The following OXR1 variants were observed in gnomAD, a reference collection of about 807,000 sequenced individuals.
The protein encoded by OXR1 is oxidation resistance 1.
In OXR1, 41 loss-of-function variants were observed where a neutral mutation model predicts 104.6. The ratio of observed to expected loss-of-function variants is 0.39; its 90% CI spans 0.31 to 0.51. The LOEUF is 0.51. Ranked by LOEUF, OXR1 falls within the 20% of genes least tolerant of loss-of-function variation. OXR1 has a pLI of 0.77. For missense variants in OXR1, 955 were observed against 1,031.9 expected (o/e 0.93, Z 1.02); for synonymous variants, 348 against 348.4 (o/e 1.00, Z 0.01).
chr8:106,552,942 A>G (rs781515212), intron 3 of OXR1, among the ~76,000 whole-genome samples: 16 of 152,184 alleles, frequency 1.1e-4, no homozygotes, highest in Non-Finnish European at 1.0e-4. Flanking sequence ...AAATAATATC[A>G]TCCTGGATAA....
chr8:106,736,952 C>A (rs961654109), intron 11 of OXR1, among the ~76,000 whole-genome samples: 2 of 152,106 alleles, frequency 1.3e-5, no homozygotes, highest in Admixed American at 1.3e-4. Context: ...TAATTTTCTA[C>A]TTTCTAGAGC....
At chr8:106,475,053 T>C (rs1227406752) in intron 2 of OXR1, among the ~76,000 whole-genome samples, 1 of 151,890 alleles carries the variant, frequency 6.6e-6, no homozygotes, top group Non-Finnish European at 1.5e-5. Context: ...CCTCATAGGA[T>C]TTCTGTAAAA....
intron 6 of OXR1, among the ~76,000 whole-genome samples, chr8:106,685,105 T>C (rs1026321798): frequency 1.1e-4 from 16 of 152,148 alleles, no homozygotes; most frequent in African/African-American, 3.4e-4. Flanking sequence ...TATATAATTA[T>C]GGCAATACTA....
intron 1 of OXR1, among the ~76,000 whole-genome samples, chr8:106,284,850 G>C (rs1202121076): frequency 6.6e-6 from 1 of 152,042 alleles, no homozygotes; most frequent in East Asian, 1.9e-4. Flanking sequence ...CTGTTTGCTT[G>C]CTATTGCCAT....
intron 3 of OXR1, among the ~76,000 whole-genome samples, chr8:106,626,289 C>G (rs1194647907): frequency 2.7e-5 from 4 of 150,534 alleles, no homozygotes; most frequent in African/African-American, 9.7e-5. Context: ...GCCGTTTCAC[C>G]CTATGCAGAT....
chr8:106,447,967 T>C, intron 2 of OXR1: 1 of 1,535,338 alleles, frequency 6.5e-7, no homozygotes, highest in Non-Finnish European at 8.7e-7. Flanking sequence ...AGAACTCTGA[T>C]CAGATCCGCC....
intron 2 of OXR1, among the ~76,000 whole-genome samples, chr8:106,510,971 G>T (rs1042097646): frequency 6.6e-6 from 1 of 152,118 alleles, no homozygotes; most frequent in Non-Finnish European, 1.5e-5. Flanking sequence ...AGTAATTCCC[G>T]ATTCCACGTT....
chr8:106,413,145 A>T (rs1002468242), intron 2 of OXR1, among the ~76,000 whole-genome samples: 24 of 148,124 alleles, frequency 1.6e-4, no homozygotes, highest in Admixed American at 1.3e-3. Flanking sequence ...GTAGAAAAAA[A>T]AAATATATAT....
chr8:106,729,972 C>T (rs1229046240), intron 11 of OXR1: 1 of 151,742 alleles, frequency 6.6e-6, no homozygotes, highest in African/African-American at 2.4e-5. Flanking sequence ...ACTAATGTAG[C>T]TGCATCTGTC....
chr8:106,273,394 T>C (rs1811897931), intron 1 of OXR1, among the ~76,000 whole-genome samples: 1 of 152,208 alleles, frequency 6.6e-6, no homozygotes, highest in Non-Finnish European at 1.5e-5. Context: ...CTTAGAGCAG[T>C]GATTCTCCAC....
At chr8:106,280,144 A>G (rs1237214441) in intron 1 of OXR1, among the ~76,000 whole-genome samples, 1 of 152,230 alleles carries the variant, frequency 6.6e-6, no homozygotes, top group Non-Finnish European at 1.5e-5. Flanking sequence ...ATGTCCATTC[A>G]GGATGCAGAA....
intron 2 of OXR1, among the ~76,000 whole-genome samples, chr8:106,513,455 T>A (rs1460454564): frequency 6.6e-6 from 1 of 151,992 alleles, no homozygotes; most frequent in Admixed American, 6.6e-5. Flanking sequence ...TCTGATGGGT[T>A]TAGTTGTTTT....
chr8:106,429,164 A>G (rs1308380073), intron 2 of OXR1, among the ~76,000 whole-genome samples: 2 of 151,940 alleles, frequency 1.3e-5, no homozygotes, highest in African/African-American at 4.8e-5. Context: ...TTCTATGACC[A>G]CATCTGCTCA....
intron 2 of OXR1, among the ~76,000 whole-genome samples, chr8:106,487,021 C>CTTTT (rs11296936): frequency 1.5e-5 from 2 of 129,692 alleles, no homozygotes; most frequent in Non-Finnish European, 3.2e-5. Context: ...AATCCAGACA[C>CTTTT]TTTTTTTTTT....
intron 3 of OXR1, among the ~76,000 whole-genome samples, chr8:106,676,443 T>A (rs1827601828): frequency 1.3e-5 from 2 of 152,292 alleles, no homozygotes; most frequent in South Asian, 4.1e-4. Flanking sequence ...TGTCTGGTAA[T>A]GGTCTTTCCT....
rs56657986 is a variant in OXR1 at position 106,573,915 on chromosome 8, C to CA, written c.220+54787dup. On this transcript the variant is annotated intron_variant, in intron 3 of 16. Coordinates refer to ENST00000517566, the MANE Select transcript of OXR1 (RefSeq NM_001198533.2). ...GGCATTTAATGGGTAATTTTTAATT[C>CA]AAAAAAAAAAAGAAAGCATTCATTC... is the stretch of plus-strand genomic sequence containing the variant. Among the ~76,000 whole-genome samples, 1,274 of 147,740 alleles carry CA rather than the reference C, an allele frequency of 8.6e-3. 14 individuals are homozygous for CA. Among genetic ancestry groups the CA allele is most frequent in the African/African-American group, 0.029 (1,160 of 40,140 alleles).
At chr8:106,715,203 C>T (rs1832114538) in intron 11 of OXR1, among the ~76,000 whole-genome samples, 2 of 151,800 alleles carry the variant, frequency 1.3e-5, no homozygotes, top group African/African-American at 2.4e-5. Flanking sequence ...AGAAGCCTGA[C>T]ACAAATGAAC....
At chr8:106,507,592 CG>C (rs1348635375) in intron 2 of OXR1, among the ~76,000 whole-genome samples, 2 of 152,050 alleles carry the variant, frequency 1.3e-5, no homozygotes, top group African/African-American at 4.8e-5. Flanking sequence ...TGCAGGGAAT[CG>C]GAGATGAAGC....
intron 3 of OXR1, among the ~76,000 whole-genome samples, chr8:106,663,018 C>T (rs1157995811): frequency 6.6e-6 from 1 of 152,062 alleles, no homozygotes; most frequent in East Asian, 1.9e-4. Flanking sequence ...ATTTGGGATG[C>T]TCAATCAGTA....
Sources: gnomAD v4.1 joint callset for allele counts (sites outside exome capture counted in the v4.1 genomes callset) on GRCh38, gnomAD v4.1.1 for gene constraint, MANE v1.5 for transcripts, NCBI Gene and HGNC (gene_info 2026-07-23, HGNC 2026-07-21) for gene names.